Variants in ZFHX4 observed in about 807,000 individuals in gnomAD.
ZFHX4 encodes the protein zinc finger homeobox 4, also known as zinc finger homeobox protein 4.
A neutral mutation model predicts 267.6 loss-of-function variants in ZFHX4; 56 were observed. The observed-to-expected ratio is 0.21, with a 90% CI of 0.17 to 0.26. The LOEUF is 0.26. ZFHX4 is among the 10% of genes least tolerant of loss of function. The pLI is 1.00. For missense variants in ZFHX4, 4,332 were observed against 4,420.0 expected (o/e 0.98, Z 0.56); for synonymous variants, 1,778 against 1,665.6 (o/e 1.07, Z -1.64).
intron 4 of ZFHX4, among the ~76,000 whole-genome samples, chr8:76,814,572 C>T (rs1323200768): frequency 2.0e-5 from 3 of 152,090 alleles, no homozygotes; most frequent in Admixed American, 2.0e-4. Flanking sequence ...AAATGCTGTT[C>T]CTTAAGAATG....
At position 76,788,286 on chromosome 8, in the gene ZFHX4, T is replaced by A. The variant is rs1810745795; in HGVS notation, c.3325+9847T>A. ...GCACCATTGCTTCTTTGCTTAACAA[T>A]CCTCAGTTATCTTTTATAGGCTAGC... On this transcript the variant is annotated intron_variant, in intron 4 of 10. Coordinates refer to ENST00000651372, the MANE Select transcript of ZFHX4 (RefSeq NM_024721.5). 7.9e-5 allele frequency among the ~76,000 whole-genome samples: 12 copies of A among 152,282 alleles called. No homozygotes were observed. In the South Asian group the frequency reaches 2.3e-3, roughly 29 times the overall value.
In ZFHX4 at chr8:76,849,500, A is replaced by G. The variant is rs1812453382; in HGVS notation, c.3646-12A>G. 2 of 1,606,208 alleles carry G rather than the reference A, an allele frequency of 1.2e-6. No individual in the cohort carries two copies. The highest frequency in any genetic ancestry group is 1.3e-5 in the African/African-American group (1 of 74,734). ...TAACTAATAGTGGCCATGTTTATTC[A>G]ATATTTTCCAGTTCTATCAATGTCC... On this transcript the variant is annotated splice_polypyrimidine_tract_variant and intron_variant, in intron 7 of 10. Transcript: ENST00000651372.
At chr8:76,687,778 A>G (rs961655922) in intron 1 of ZFHX4, among the ~76,000 whole-genome samples, 1 of 152,178 alleles carries the variant, frequency 6.6e-6, no homozygotes, top group Non-Finnish European at 1.5e-5. Context: ...AGGTAAACTG[A>G]TATAATTGCT....
intron 1 of ZFHX4, chr8:76,683,155 G>C (rs983011934): frequency 3.3e-5 from 5 of 151,994 alleles, no homozygotes; most frequent in African/African-American, 9.7e-5. Flanking sequence ...ACTTCCGCGC[G>C]GTTCTGGTGA....
intron 4 of ZFHX4, among the ~76,000 whole-genome samples, chr8:76,780,905 T>C (rs1320667360): frequency 6.6e-6 from 1 of 152,138 alleles, no homozygotes; most frequent in Non-Finnish European, 1.5e-5. Context: ...TTTACAATAA[T>C]AAAATATATT....
intron 5 of ZFHX4, among the ~76,000 whole-genome samples, chr8:76,835,528 A>G (rs1812071588): frequency 6.6e-6 from 1 of 151,952 alleles, no homozygotes; most frequent in South Asian, 2.1e-4. Context: ...GCAAGTGAAA[A>G]CATCCCTTCC....
At chr8:76,686,497 C>T (rs1043609732) in intron 1 of ZFHX4, among the ~76,000 whole-genome samples, 3 of 152,094 alleles carry the variant, frequency 2.0e-5, no homozygotes, top group South Asian at 2.1e-4. Flanking sequence ...CTTAACTATG[C>T]TTTATTCAGT....
chr8:76,853,313 G>T lies in ZFHX4; in HGVS notation c.6392G>T (p.Arg2131Leu), dbSNP rs1432602799. The T allele has an allele frequency of 6.2e-7, 1 of 1,612,820 alleles. No homozygotes were observed. The highest frequency in any genetic ancestry group is 1.3e-5 in the African/African-American group (1 of 74,860). The change falls in exon 10 of 11, where the codon CGC becomes CTC. Residue 2131 changes from arginine to leucine, a missense_variant. Arg to Leu is a moderately radical substitution (Grantham distance 102). Transcript: ENST00000651372. ...PNFLRHSQFK[R>L]PRTRITDDQL... ...TTCTTAAGACATTCTCAGTTCAAAC[G>T]CCCACGGACAAGAATTACAGATGAT...
intron 5 of ZFHX4, among the ~76,000 whole-genome samples, chr8:76,840,091 A>G (rs1046549994): frequency 1.3e-5 from 2 of 152,192 alleles, no homozygotes; most frequent in African/African-American, 2.4e-5. Flanking sequence ...CAAAGAGCCT[A>G]CCTGTAATAA....
In ZFHX4 at chr8:76,757,241, T is replaced by C. The variant is rs545767113; in HGVS notation, c.3094-20967T>C. 7.4e-4 allele frequency among the ~76,000 whole-genome samples: 112 copies of C among 152,074 alleles called. 1 individual carries two copies. Among genetic ancestry groups the C allele is most frequent in the African/African-American group, 2.7e-3 (111 of 41,508 alleles). On this transcript the variant is annotated intron_variant, in intron 3 of 10. Transcript: ENST00000651372. ...CCAGACAAAAAGAATTGCAATATAGTGTGACAAGAGCTATGATAGAGGTAT... is the reference window on the plus strand; with the variant it reads ...CCAGACAAAAAGAATTGCAATATAGCGTGACAAGAGCTATGATAGAGGTAT...
At chr8:76,842,630 C>T in intron 5 of ZFHX4, 25 bp from the exon 6 acceptor site, 1 of 1,532,030 alleles carries the variant, frequency 6.5e-7, no homozygotes, top group South Asian at 1.2e-5. Context: ...TTCAGTTCTA[C>T]TGATTGGTCT....
intron 3 of ZFHX4, among the ~76,000 whole-genome samples, chr8:76,709,802 C>CGTGTGTGTGT (rs34448728): frequency 2.9e-5 from 4 of 140,174 alleles, no homozygotes; most frequent in Middle Eastern, 3.6e-3. Context: ...CGTGTGTGTG[C>CGTGTGTGTGT]GTGTGTGTGT....
chr8:76,801,398 A>T (rs1465526996), intron 4 of ZFHX4, among the ~76,000 whole-genome samples: 1 of 152,190 alleles, frequency 6.6e-6, no homozygotes, highest in African/African-American at 2.4e-5. Context: ...AGGACCGTTT[A>T]ACCTTATTGT....
At chr8:76,832,257 C>T (rs1250328000) in intron 4 of ZFHX4, among the ~76,000 whole-genome samples, 1 of 151,876 alleles carries the variant, frequency 6.6e-6, no homozygotes, top group Non-Finnish European at 1.5e-5. Flanking sequence ...TTTTTTTTAA[C>T]TTCTTGATAA....
intron 3 of ZFHX4, among the ~76,000 whole-genome samples, chr8:76,765,563 T>A (rs955168741): frequency 3.3e-5 from 5 of 152,104 alleles, no homozygotes; most frequent in Admixed American, 6.5e-5. Flanking sequence ...CAGAAATCAC[T>A]TCTAAGTGGT....
rs568993450 is a variant in ZFHX4, at chr8:76,752,652, T to G, written c.3094-25556T>G. On this transcript the variant is annotated intron_variant, in intron 3 of 10. Transcript: ENST00000651372. ...TGCCACTGCACTCCAGCCTGGATGATAAAGTGAGACTCTGTCTCAAAAAAC... is the reference window on the plus strand; with the variant it reads ...TGCCACTGCACTCCAGCCTGGATGAGAAAGTGAGACTCTGTCTCAAAAAAC... 3.9e-5 allele frequency among the ~76,000 whole-genome samples: 6 copies of G among 151,952 alleles called. No homozygotes were observed. The East Asian group carries it at 1.2e-3, about 29-fold the overall frequency.
intron 3 of ZFHX4, among the ~76,000 whole-genome samples, chr8:76,713,537 A>G (rs1808485297): frequency 6.6e-6 from 1 of 152,148 alleles, no homozygotes. Flanking sequence ...CTGCCTACAC[A>G]TCAGGAAAAT....
chr8:76,723,647 T>C (rs979938430), intron 3 of ZFHX4, among the ~76,000 whole-genome samples: 1 of 151,698 alleles, frequency 6.6e-6, no homozygotes. Flanking sequence ...AATAAGGATA[T>C]GGTGTCAAGC....
intron 3 of ZFHX4, among the ~76,000 whole-genome samples, chr8:76,711,941 T>C (rs1808435193): frequency 6.6e-6 from 1 of 152,348 alleles, no homozygotes; most frequent in East Asian, 1.9e-4. Flanking sequence ...GCTGCATCTG[T>C]ACTTCGGCTG....
Sources: allele counts gnomAD v4.1 joint callset (sites outside exome capture counted in the v4.1 genomes callset), GRCh38; gene constraint gnomAD v4.1.1; transcripts MANE v1.5; gene names NCBI Gene and HGNC (gene_info 2026-07-23, HGNC 2026-07-21).